The following CBX2 variants were observed in gnomAD, a reference collection of about 807,000 sequenced individuals.
CBX2 encodes the protein chromobox 2.
Under a neutral mutation model 21.0 loss-of-function variants are expected in CBX2, and 11 were observed. The observed-to-expected ratio is 0.52, with a 90% confidence interval of 0.33 to 0.87. The LOEUF is 0.87. Among genes scored for constraint, CBX2 ranks in the 40% least tolerant of loss-of-function variants. CBX2 has a pLI of 0.02. For missense variants in CBX2, 746 were observed against 724.3 expected, an observed-to-expected ratio of 1.03 and a Z score of -0.34; for synonymous variants, 364 against 304.6, an observed-to-expected ratio of 1.19 and a Z score of -2.03.
intron 4 of CBX2, 174 bp downstream of exon 4, chr17:79,781,975 C>T: frequency 1.2e-6 from 2 of 1,614,176 alleles, no homozygotes; most frequent in Non-Finnish European, 1.7e-6. Context: ...GCTTCTGCTG[C>T]CAGGGGCCCC....
At position 79,785,300 on chromosome 17, in the gene CBX2, C is replaced by T; in HGVS notation, c.*258C>T. The T allele has an allele frequency of 1.8e-6, 1 of 561,530 alleles. No homozygotes were observed. Among genetic ancestry groups the T allele is most frequent in the Non-Finnish European group, 3.2e-6 (1 of 311,980 alleles). 34.8% of individuals were successfully genotyped at this position (561,530 alleles called of 1,614,324 possible). ...CAGGCCTCTTTGCTCTCCCCTCTTGCCTCAGGAAACCCGGTGGCACCTGTG... is the reference window on the plus strand; with the variant it reads ...CAGGCCTCTTTGCTCTCCCCTCTTGTCTCAGGAAACCCGGTGGCACCTGTG... On this transcript the variant is annotated 3_prime_UTR_variant, in exon 5 of 5. Transcript: ENST00000310942.
chr17:79,778,192 G>A lies in CBX2; in HGVS notation c.-44G>A, dbSNP rs1271047938. ...GCGGGGCGCGCGGCGGTCCGGGCGG[G>A]TGACTGGCGGCGGGCGCCGCGGTCG... On this transcript the variant is annotated 5_prime_UTR_variant, in exon 1 of 5. It adds an upstream start codon to the 5' untranslated region. Coordinates refer to ENST00000310942, the MANE Select transcript of CBX2 (RefSeq NM_005189.3). The surrounding 1 kb of genome is among the most constrained non-coding windows in gnomAD (Gnocchi z 4.8). The A allele has an allele frequency of 6.3e-5, 77 of 1,225,390 alleles. No homozygotes were observed. The highest frequency in any genetic ancestry group is 7.7e-5 in the Non-Finnish European group (75 of 970,482). The allele number at this position is 1,225,390 out of a possible 1,614,324, so 75.9% of individuals were successfully genotyped here. A position where few individuals can be genotyped will look rare whatever the true frequency, so the allele number is the denominator to read the frequency against.
At position 79,782,158 on chromosome 17, in the gene CBX2, A is replaced by G. The variant is rs782254650; in HGVS notation, c.288+357A>G. ...AAGCATGCGTACAGTAGGTGCTCAT[A>G]GGATTGCCGGCTGGATGTGACTCAA... On this transcript the variant is annotated intron_variant, in intron 4 of 4. Transcript: ENST00000310942. 54 of 1,612,586 alleles carry G rather than the reference A, an allele frequency of 3.3e-5. 1 individual carries two copies. In the East Asian group the frequency reaches 6.5e-4, roughly 19 times the overall value.
At chr17:79,783,598 C>G (rs1907395940) in intron 4 of CBX2, 134 bp from the exon 5 acceptor site, 6 of 762,260 alleles carry the variant, frequency 7.9e-6, no homozygotes, top group Non-Finnish European at 8.9e-6. Flanking sequence ...TTAGTAGAAA[C>G]AGGGCTCCAC....
In CBX2 at chr17:79,778,493, C is replaced by T. The variant is rs1194894245; in HGVS notation, c.116+66C>T. 9 of 1,122,164 alleles carry T rather than the reference C, an allele frequency of 8.0e-6. No homozygotes were observed. The highest frequency in any genetic ancestry group is 1.1e-5 in the Non-Finnish European group (9 of 818,964). The allele number at this position is 1,122,164 out of a possible 1,614,324, so 69.5% of individuals were successfully genotyped here. On this transcript the variant is annotated intron_variant, in intron 2 of 4. Transcript: ENST00000310942. The surrounding 1 kb of genome is among the most constrained non-coding windows in gnomAD (Gnocchi z 4.8). ...GCCCGGGGGTGGGGACGTGGAGCCCCTCGGCCGCGCCGTCCGGTGGCCTGG... is the reference window on the plus strand; with the variant it reads ...GCCCGGGGGTGGGGACGTGGAGCCCTTCGGCCGCGCCGTCCGGTGGCCTGG...
rs370417549 is a variant in CBX2, at chr17:79,781,770, T to C, written c.257T>C (p.Met86Thr). 5.7e-5 allele frequency: 92 copies of C among 1,613,964 alleles called. No homozygotes were observed. Among genetic ancestry groups the C allele is most frequent in the Non-Finnish European group, 6.9e-5 (81 of 1,180,016 alleles). Reference sequence around the variant, plus strand: ...GGCCGGCCAAGGAAGCTCACTGCCATGTCCTCCTGCAGCCGGCGCTCCAAG... The same window carrying C: ...GGCCGGCCAAGGAAGCTCACTGCCACGTCCTCCTGCAGCCGGCGCTCCAAG... ...PRGRPRKLTA[M>T]SSCSRRSKLK... Residue 86 changes from methionine (M) to threonine (T), a missense_variant, in exon 4 of 5, where the codon ATG becomes ACG. Transcript: ENST00000310942.
intron 4 of CBX2, chr17:79,782,551 C>T (rs1568501225): frequency 9.5e-7 from 1 of 1,052,456 alleles, no homozygotes; most frequent in Non-Finnish European, 1.2e-6. Flanking sequence ...CGTGTTGTGG[C>T]CACGAGCTCA....
chr17:79,782,288 G>C (rs1907283770), intron 4 of CBX2: 1 of 1,532,922 alleles, frequency 6.5e-7, no homozygotes, highest in African/African-American at 1.4e-5. Context: ...GTGCCAGGAG[G>C]GGCCTTGGAG....
rs1031740292 is a variant in CBX2 at position 79,778,677 on chromosome 17, G to A, written c.116+250G>A. On this transcript the variant is annotated intron_variant, in intron 2 of 4. Coordinates refer to ENST00000310942, the MANE Select transcript of CBX2 (RefSeq NM_005189.3). This position sits in a 1 kb window ranked among gnomAD's most constrained non-coding sequence, Gnocchi z 4.8. The stretch of plus-strand genomic sequence containing the variant: ...GCGCCAGAACCTCCTCGGCTGCCGC[G>A]CCGCGCTCCCCCCAACCCCCGTCCC... 6.6e-6 allele frequency among the ~76,000 whole-genome samples: 1 copy of A among 152,040 alleles called. No homozygotes were observed. Among genetic ancestry groups the A allele is most frequent in the African/African-American group, 2.4e-5 (1 of 41,408 alleles).
Position 79,784,803 on chromosome 17 carries a change from A to G in CBX2, c.1360A>G (p.Thr454Ala), listed in dbSNP as rs1419210743. 3.1e-6 allele frequency: 5 copies of G among 1,611,156 alleles called. No individual in the cohort carries two copies. The highest frequency in any genetic ancestry group is 1.7e-6 in the Non-Finnish European group (2 of 1,179,050). Residue 454 changes from threonine to alanine, a missense_variant, in exon 5 of 5, where the codon ACA (threonine) becomes GCA (alanine). Around this residue, in one of 2 missense-constraint regions of CBX2, gnomAD observed 701 missense variants for 650.7 expected, o/e 1.08. Coordinates refer to ENST00000310942, the MANE Select transcript of CBX2 (RefSeq NM_005189.3). The surrounding 1 kb of genome is among the most constrained non-coding windows in gnomAD (Gnocchi z 5.9). ...TAPGEARKAA[T>A]LPEMSAGEES... is the part of the protein sequence containing the mutation. Reference sequence around the variant, plus strand: ...CCCCGGAGAAGCCCGCAAGGCGGCCACACTGCCAGAGATGAGCGCAGGTGA... The same window carrying G: ...CCCCGGAGAAGCCCGCAAGGCGGCCGCACTGCCAGAGATGAGCGCAGGTGA...
chr17:79,782,262 A>C, intron 4 of CBX2: 1 of 1,559,648 alleles, frequency 6.4e-7, no homozygotes, highest in South Asian at 1.2e-5. Flanking sequence ...GGCAGGGCTG[A>C]CTGAATAGCC....
rs1555832156 is a variant in CBX2, at chr17:79,786,939, G to C, written c.*1897G>C. 1.3e-5 allele frequency: 2 copies of C among 152,742 alleles called. No homozygotes were observed. The highest frequency in any genetic ancestry group is 2.4e-5 in the African/African-American group (1 of 41,476). The allele number at this position is 152,742 out of a possible 1,614,324, so 9.5% of individuals were successfully genotyped here. On this transcript the variant is annotated 3_prime_UTR_variant, in exon 5 of 5. Transcript: ENST00000310942. ...TTCGTTGAGGGCCATCCATATGCCA[G>C]CTGGGGGCCAGCCCACAGTGGCCAT... is the stretch of plus-strand genomic sequence containing the variant.
intron 4 of CBX2, 51 bp downstream of exon 4, chr17:79,781,852 C>T (rs145903665): frequency 7.2e-5 from 116 of 1,613,900 alleles, no homozygotes; most frequent in Non-Finnish European, 8.3e-5. Flanking sequence ...ACCCCCTTGG[C>T]GTAGGGGGCA....
intron 4 of CBX2, chr17:79,782,528 C>T (rs868910493): frequency 1.8e-6 from 2 of 1,119,154 alleles, no homozygotes; most frequent in African/African-American, 1.6e-5. Context: ...CGGGCACTGT[C>T]CCTGGACCTT....
At chr17:79,782,985 T>C (rs1907344917) in intron 4 of CBX2, among the ~76,000 whole-genome samples, 1 of 152,186 alleles carries the variant, frequency 6.6e-6, no homozygotes, top group East Asian at 1.9e-4. Context: ...GAAATGGGGA[T>C]ACTGAAGCCC....
At chr17:79,782,353 T>C (rs956509237) in intron 4 of CBX2, 4 of 1,452,654 alleles carry the variant, frequency 2.8e-6, no homozygotes, top group African/African-American at 2.8e-5. Context: ...GGGACTGTCC[T>C]GTCACCCCTC....
At chr17:79,781,565 G>T in intron 3 of CBX2, 131 bp from the exon 4 acceptor site, 2 of 805,480 alleles carry the variant, frequency 2.5e-6, no homozygotes, top group South Asian at 2.7e-5. Context: ...GGTATTTGAT[G>T]ATGTGTTTGC....
intron 4 of CBX2, among the ~76,000 whole-genome samples, 179 bp from the exon 5 acceptor site, chr17:79,783,553 G>GT (rs1467646403): frequency 6.6e-6 from 1 of 152,052 alleles, no homozygotes; most frequent in Non-Finnish European, 1.5e-5. Flanking sequence ...GGGACTACAG[G>GT]TGCGCGCCAC....
At chr17:79,779,510 G>C in intron 3 of CBX2, 83 bp downstream of exon 3, 1 of 1,291,082 alleles carries the variant, frequency 7.7e-7, no homozygotes, top group Non-Finnish European at 1.1e-6. Context: ...CTCGCCTGCC[G>C]GGAGGCTGGA....
Sources: allele counts gnomAD v4.1 joint callset (sites outside exome capture counted in the v4.1 genomes callset), GRCh38; gene constraint gnomAD v4.1.1; regional missense constraint gnomAD v4.1.1; non-coding constraint Gnocchi (gnomAD v3.1); transcripts MANE v1.5; gene names NCBI Gene and HGNC (gene_info 2026-07-23, HGNC 2026-07-21).